Variants in WDR17 observed in about 807,000 individuals in gnomAD.
WDR17 encodes WD repeat domain 17.
Under a neutral mutation model 161.7 loss-of-function variants are expected in WDR17, and 143 were observed. The ratio of observed to expected loss-of-function variants is 0.88; its 90% CI spans 0.77 to 1.02. The LOEUF (loss-of-function observed/expected upper bound fraction) is 1.02. Among genes scored for constraint, WDR17 ranks in the 50% least tolerant of loss-of-function variants. The probability of loss-of-function intolerance (pLI) is 0.00; values close to 1 mark genes in which losing one functional copy is unlikely to be tolerated. For missense variants in WDR17, 1,469 were observed against 1,520.9 expected (o/e 0.97, Z 0.57); for synonymous variants, 517 against 515.6 (o/e 1.00, Z -0.04).
intron 8 of WDR17, among the ~76,000 whole-genome samples, chr4:176,135,975 A>G (rs1250311839): frequency 6.6e-6 from 1 of 151,644 alleles, no homozygotes; most frequent in Non-Finnish European, 1.5e-5. Context: ...TTATTTCTTC[A>G]TACACAGGGA....
chr4:176,178,973 A>G (rs938589368), intron 28 of WDR17, among the ~76,000 whole-genome samples: 2 of 152,220 alleles, frequency 1.3e-5, no homozygotes, highest in African/African-American at 4.8e-5. Context: ...ATGGCTAAAC[A>G]TATTTTAAAC....
At chr4:176,165,991 G>A in intron 22 of WDR17, 1 of 441,444 alleles carries the variant, frequency 2.3e-6, no homozygotes, top group South Asian at 2.9e-5. Context: ...TTAAAAGATA[G>A]CTACATCATT....
At chr4:176,177,280 T>A in intron 27 of WDR17, 124 bp downstream of exon 27, 1 of 999,766 alleles carries the variant, frequency 1.0e-6, no homozygotes, top group Admixed American at 2.5e-5. Context: ...GTTTGGCATA[T>A]ATGCAGTAAT....
intron 1 of WDR17, among the ~76,000 whole-genome samples, chr4:176,067,361 TC>T (rs1732665920): frequency 6.6e-6 from 1 of 152,200 alleles, no homozygotes; most frequent in Admixed American, 6.5e-5. Context: ...GCTTTAGAGT[TC>T]CTGGGAAGTT....
At chr4:176,130,621 T>C (rs1448057935) in intron 6 of WDR17, among the ~76,000 whole-genome samples, 2 of 151,724 alleles carry the variant, frequency 1.3e-5, no homozygotes, top group Admixed American at 1.3e-4. Context: ...GGCAGGAGCC[T>C]GTAGTCCCAG....
intron 23 of WDR17, among the ~76,000 whole-genome samples, chr4:176,170,316 CTTT>C (rs34343977): frequency 1.4e-4 from 17 of 125,156 alleles, no homozygotes; most frequent in South Asian, 2.5e-4. Flanking sequence ...TTTCTTTTTT[CTTT>C]TTTTTTTTTT....
chr4:176,159,069 C>T (rs12499392), intron 18 of WDR17, among the ~76,000 whole-genome samples: 105,090 of 151,984 alleles, frequency 0.69, 36,730 homozygotes, highest in African/African-American at 0.75. Flanking sequence ...ATGAAAAATA[C>T]TTTCCATTTT....
intron 5 of WDR17, 66 bp from the exon 6 acceptor site, chr4:176,128,672 T>C: frequency 1.3e-6 from 2 of 1,512,694 alleles, no homozygotes; most frequent in Non-Finnish European, 1.8e-6. Context: ...TGTTATACTT[T>C]TATGTCTAGG....
At position 176,124,431 on chromosome 4, in the gene WDR17, G is replaced by A. The variant is rs556880384; in HGVS notation, c.539-673G>A. 3.9e-5 allele frequency among the ~76,000 whole-genome samples: 6 copies of A among 152,306 alleles called. 1 individual carries two copies. Among genetic ancestry groups the A allele is most frequent in the African/African-American group, 1.4e-4 (6 of 41,558 alleles). On this transcript the variant is annotated intron_variant, in intron 4 of 28. Transcript: ENST00000508596. ...TCCCTATTTATACTACTGGTTGGGT[G>A]TGAATTATAATTATGGCAAATGGTA...
rs150291063 is a variant in WDR17 at position 176,092,092 on chromosome 4, T to C, written c.-6-19483T>C. ...GGAGGAAAGAATACTTCCAAACCCA[T>C]TCTTTGAGGCCAGTATTACCCTAAT... On this transcript the variant is annotated intron_variant, in intron 1 of 28. Coordinates refer to ENST00000508596, the MANE Select transcript of WDR17 (RefSeq NM_181265.4). 2.0e-3 allele frequency among the ~76,000 whole-genome samples: 305 copies of C among 152,272 alleles called. 1 individual carries two copies. Among genetic ancestry groups the C allele is most frequent in the African/African-American group, 7.1e-3 (293 of 41,550 alleles).
intron 2 of WDR17, among the ~76,000 whole-genome samples, chr4:176,111,909 T>C (rs1343893791): frequency 2.6e-5 from 4 of 152,156 alleles, no homozygotes; most frequent in Non-Finnish European, 5.9e-5. Context: ...ATTAGTAAAT[T>C]TGATATAAGA....
At chr4:176,128,889 T>C (rs747368684) in intron 6 of WDR17, 29 bp downstream of exon 6, 1 of 1,519,046 alleles carries the variant, frequency 6.6e-7, no homozygotes, top group Admixed American at 2.2e-5. Context: ...AAAATTTTAA[T>C]TTTTAAAAAA....
chr4:176,077,155 ATTTTTTTTT>A (rs66817611), intron 1 of WDR17, among the ~76,000 whole-genome samples: 2 of 125,432 alleles, frequency 1.6e-5, no homozygotes, highest in Non-Finnish European at 3.2e-5. Flanking sequence ...TTTTCTCCCA[ATTTTTTTTT>A]TTTTTTTTTT....
chr4:176,091,744 T>C (rs1344771499), intron 1 of WDR17, among the ~76,000 whole-genome samples: 2 of 151,830 alleles, frequency 1.3e-5, no homozygotes, highest in African/African-American at 4.8e-5. Flanking sequence ...GCCAGACTAA[T>C]AATAAAAAAG....
intron 1 of WDR17, among the ~76,000 whole-genome samples, chr4:176,108,125 C>T (rs1739093521): frequency 6.6e-6 from 1 of 151,850 alleles, no homozygotes; most frequent in Non-Finnish European, 1.5e-5. Flanking sequence ...TGCAACCTTA[C>T]ACTCCTGGTT....
intron 2 of WDR17, among the ~76,000 whole-genome samples, chr4:176,112,524 A>C (rs567230838): frequency 1.3e-5 from 2 of 152,248 alleles, no homozygotes; most frequent in South Asian, 4.1e-4. Flanking sequence ...AGTTATACCA[A>C]ACCAATTACA....
intron 16 of WDR17, 139 bp downstream of exon 16, chr4:176,150,732 G>A (rs1746984895): frequency 3.6e-6 from 3 of 827,716 alleles, no homozygotes; most frequent in Middle Eastern, 7.9e-4. Flanking sequence ...TCCATCTTGG[G>A]TAAAATGAAT....
intron 25 of WDR17, among the ~76,000 whole-genome samples, chr4:176,173,751 G>A (rs1751078805): frequency 2.0e-5 from 3 of 151,796 alleles, no homozygotes; most frequent in East Asian, 1.9e-4. Flanking sequence ...TCCTGACCTC[G>A]TGATCCACCC....
intron 1 of WDR17, among the ~76,000 whole-genome samples, chr4:176,092,361 G>GATCAATTGATTCAATTTCTAA (rs148796336): frequency 0.084 from 12,732 of 152,126 alleles, 817 homozygotes; most frequent in East Asian, 0.29. Flanking sequence ...CATTTCAATT[G>GATCAATTGATTCAATTTCTAA]ATGCTGAAAA....
Sources: allele counts gnomAD v4.1 joint callset (sites outside exome capture counted in the v4.1 genomes callset), GRCh38; gene constraint gnomAD v4.1.1; transcripts MANE v1.5; gene names NCBI Gene and HGNC (gene_info 2026-07-23, HGNC 2026-07-21).